Variants in TTC6 observed in about 807,000 individuals in gnomAD.
The protein encoded by TTC6 is tetratricopeptide repeat protein 6.
Under a neutral mutation model 210.4 loss-of-function variants are expected in TTC6, and 172 were observed. The ratio of observed to expected loss-of-function variants is 0.82; its 90% CI spans 0.72 to 0.93. TTC6 has a LOEUF of 0.93. Among genes scored for constraint, TTC6 ranks in the 40% least tolerant of loss-of-function variants. The pLI, the probability that TTC6 is intolerant of heterozygous loss-of-function variation, is 0.00. For synonymous variants in TTC6, 804 were observed against 819.6 expected, an observed-to-expected ratio of 0.98 and a Z score of 0.32; for missense variants, 2,414 against 2,318.1, an observed-to-expected ratio of 1.04 and a Z score of -0.85.
At chr14:37,733,842 G>A (rs1296853342) in intron 7 of TTC6, among the ~76,000 whole-genome samples, 3 of 151,388 alleles carry the variant, frequency 2.0e-5, no homozygotes, top group African/African-American at 7.3e-5. Flanking sequence ...TTTTTCTCTT[G>A]TGCTTGGTAT....
At chr14:37,812,253 C>A in intron 24 of TTC6, 61 bp from the exon 27 acceptor site, 3 of 1,557,656 alleles carry the variant, frequency 1.9e-6, no homozygotes, top group Non-Finnish European at 2.6e-6. Flanking sequence ...ATACGTTTGT[C>A]CATAGCCAAT....
At chr14:37,629,497 A>C (rs1402008045) in intron 1 of TTC6, among the ~76,000 whole-genome samples, 4 of 152,126 alleles carry the variant, frequency 2.6e-5, no homozygotes, top group African/African-American at 9.7e-5. Context: ...CAACTTAAGG[A>C]GATTTTGGGC....
In TTC6 at chr14:37,767,097, A is replaced by G. The variant is rs185165105; in HGVS notation, c.3266+13862A>G. On this transcript the variant is annotated intron_variant, in intron 14 of 30. Coordinates refer to ENST00000553443, the Ensembl canonical transcript of TTC6. ...AGTTTACTGAGAATGATGATTTCCA[A>G]TTTCATCCATGTCCCTACAAAGGAC... Among the ~76,000 whole-genome samples, 295 of 152,112 alleles carry G rather than the reference A, an allele frequency of 1.9e-3. 2 individuals carry two copies. The highest frequency in any genetic ancestry group is 3.1e-3 in the Admixed American group (48 of 15,268).
chr14:37,658,920 C>A (rs1046309521), intron 1 of TTC6, among the ~76,000 whole-genome samples: 11 of 152,104 alleles, frequency 7.2e-5, no homozygotes, highest in African/African-American at 2.4e-4. Context: ...TCCTCTCCCT[C>A]CTCCCACCCT....
chr14:37,762,154 CT>C (rs745580782), intron 14 of TTC6, among the ~76,000 whole-genome samples: 36 of 150,790 alleles, frequency 2.4e-4, no homozygotes, highest in East Asian at 1.2e-3. Flanking sequence ...TGGGATTTCC[CT>C]TTTTTTTTAA....
At chr14:37,827,222 A>C (rs1421848120) in exon 29 of TTC6, 4 of 1,612,692 alleles carry the variant, frequency 2.5e-6, no homozygotes, top group Admixed American at 3.3e-5. Context: ...AATTCTTAAC[A>C]AATCGTGGGG....
At chr14:37,657,188 G>A (rs2095725605) in intron 1 of TTC6, among the ~76,000 whole-genome samples, 1 of 128,896 alleles carries the variant, frequency 7.8e-6, no homozygotes, top group African/African-American at 2.8e-5. Context: ...CTCCAGCCTG[G>A]GCAACATGAG....
Position 37,735,775 on chromosome 14 carries a change from G to T in TTC6, c.1819-146G>T, listed in dbSNP as rs555998382. The T allele has an allele frequency of 3.9e-4, 211 of 545,684 alleles. 2 individuals are homozygous for T. In the South Asian group the frequency reaches 3.9e-3, roughly 10 times the overall value. The allele number at this position is 545,684 out of a possible 1,614,324, so 33.8% of individuals were successfully genotyped here. On this transcript the variant is annotated intron_variant, in intron 7 of 30. Coordinates refer to ENST00000553443, the Ensembl canonical transcript of TTC6. ...ATAGCTGGACTTTGATGCATCTCTG[G>T]TAAGTGTTTTCTAGAATTATACTAC...
At chr14:37,599,238 C>G (rs527800666) in intron 1 of TTC6, among the ~76,000 whole-genome samples, 1 of 152,216 alleles carries the variant, frequency 6.6e-6, no homozygotes, top group Non-Finnish European at 1.5e-5. Context: ...CGCTGCCTTC[C>G]TTTTATTTTT....
chr14:37,688,748 C>T (rs766970057), intron 3 of TTC6, among the ~76,000 whole-genome samples: 10 of 152,206 alleles, frequency 6.6e-5, no homozygotes, highest in African/African-American at 1.7e-4. Flanking sequence ...CACAGCATTA[C>T]TGGGCTTGGG....
At chr14:37,663,441 CT>C (rs930786899) in intron 1 of TTC6, among the ~76,000 whole-genome samples, 20 of 152,046 alleles carry the variant, frequency 1.3e-4, no homozygotes, top group African/African-American at 4.8e-4. Flanking sequence ...AAATTTGGGT[CT>C]TTTGCCTTAC....
At chr14:37,752,608 T>C (rs1005743587) in intron 13 of TTC6, among the ~76,000 whole-genome samples, 8 of 152,126 alleles carry the variant, frequency 5.3e-5, no homozygotes, top group South Asian at 2.1e-4. Context: ...ATAATTGATA[T>C]ATGATTTAGT....
intron 1 of TTC6, among the ~76,000 whole-genome samples, chr14:37,679,811 C>T (rs2095779110): frequency 6.6e-6 from 1 of 152,040 alleles, no homozygotes; most frequent in Non-Finnish European, 1.5e-5. Flanking sequence ...CTGCCTCAGC[C>T]TCCCAAGTAG....
intron 1 of TTC6, among the ~76,000 whole-genome samples, chr14:37,632,593 G>T (rs2095671952): frequency 6.6e-6 from 1 of 152,298 alleles, no homozygotes; most frequent in African/African-American, 2.4e-5. Context: ...GAGGCACGGG[G>T]GTCAGGGACC....
At chr14:37,658,957 G>T (rs967467805) in intron 1 of TTC6, among the ~76,000 whole-genome samples, 4 of 151,858 alleles carry the variant, frequency 2.6e-5, no homozygotes, top group Admixed American at 1.3e-4. Flanking sequence ...CCCAGTATCT[G>T]TTGCTCCCTT....
At chr14:37,658,802 C>T (rs929608357) in intron 1 of TTC6, among the ~76,000 whole-genome samples, 26 of 152,214 alleles carry the variant, frequency 1.7e-4, no homozygotes, top group African/African-American at 6.0e-4. Context: ...TTCAGGGGTG[C>T]GTATGCAGGT....
At chr14:37,600,480 A>G (rs1183064113) in intron 1 of TTC6, among the ~76,000 whole-genome samples, 1 of 151,742 alleles carries the variant, frequency 6.6e-6, no homozygotes, top group Non-Finnish European at 1.5e-5. Flanking sequence ...GCCCCCGCCA[A>G]TCCACTCGCG....
chr14:37,696,808 C>T (rs2095815725), exon 4 of TTC6: 2 of 1,400,862 alleles, frequency 1.4e-6, no homozygotes, highest in Non-Finnish European at 9.3e-7. Flanking sequence ...TCTTCAAAAC[C>T]TCTTTGTGAT....
chr14:37,734,503 CTT>C (rs371444645), intron 7 of TTC6, among the ~76,000 whole-genome samples: 3 of 152,270 alleles, frequency 2.0e-5, no homozygotes, highest in African/African-American at 7.2e-5. Flanking sequence ...GTCTTTTCAT[CTT>C]GTTAGCTCTG....
Sources: gnomAD v4.1 joint callset for allele counts (sites outside exome capture counted in the v4.1 genomes callset) on GRCh38, gnomAD v4.1.1 for gene constraint, MANE v1.5 for transcripts, NCBI Gene and HGNC (gene_info 2026-07-23, HGNC 2026-07-21) for gene names.